The following RGL3 variants were observed in gnomAD, a reference collection of about 807,000 sequenced individuals.
RGL3 encodes the protein ral guanine nucleotide dissociation stimulator like 3, also known as ral guanine nucleotide dissociation stimulator-like 3.
RGL3 carries 85 observed loss-of-function variants against 90.6 expected under a neutral mutation model. The observed-to-expected ratio is 0.94, with a 90% confidence interval of 0.79 to 1.12. The LOEUF (loss-of-function observed/expected upper bound fraction) is 1.12, where lower values mean the gene tolerates loss of function less well. Ranked by LOEUF, RGL3 falls within the 50% of genes most tolerant of loss-of-function variation. The pLI is 0.00. For missense variants in RGL3, 1,034 were observed against 939.2 expected (o/e 1.10, Z -1.32); for synonymous variants, 408 against 385.5 (o/e 1.06, Z -0.68).
Position 11,397,541 on chromosome 19 carries a change from G to T in RGL3, c.1803C>A (p.Ser601Arg), listed in dbSNP as rs769971185. Residue 601 changes from serine to arginine, a missense_variant, in exon 17 of 19, where the codon AGC becomes AGA. By Grantham distance (110) the Ser-to-Arg change is moderately radical. Coordinates refer to ENST00000380456, the MANE Select transcript of RGL3 (RefSeq NM_001035223.4). ...SPRPFALPLG[S>R]PRIPLPAQQS... ...GCTGCGCCGGGAGGGGGATTCGAGGGCTGCCCAGAGGCAAAGCGAAGGGCC... is the reference window on the plus strand; with the variant it reads ...GCTGCGCCGGGAGGGGGATTCGAGGTCTGCCCAGAGGCAAAGCGAAGGGCC... 2 of 1,610,712 alleles carry T rather than the reference G, an allele frequency of 1.2e-6. No homozygotes were observed. The highest frequency in any genetic ancestry group is 1.7e-6 in the Non-Finnish European group (2 of 1,178,472).
chr19:11,418,594 G>A (rs1969044323), intron 2 of RGL3, 77 bp downstream of exon 2: 1 of 1,154,868 alleles, frequency 8.7e-7, no homozygotes. Flanking sequence ...GCACCTGGCG[G>A]CCTGTGCTCG....
At chr19:11,417,405 C>T (rs1447976819) in intron 2 of RGL3, among the ~76,000 whole-genome samples, 2 of 151,706 alleles carry the variant, frequency 1.3e-5, no homozygotes, top group Non-Finnish European at 2.9e-5. Flanking sequence ...CCCCCTTGGC[C>T]TCCCAAAGTC....
chr19:11,407,966 G>A (rs1458803341), intron 5 of RGL3, among the ~76,000 whole-genome samples: 3 of 151,978 alleles, frequency 2.0e-5, no homozygotes, highest in African/African-American at 7.3e-5. Context: ...GATTGCAGGG[G>A]TAAGCTGTGC....
chr19:11,405,494 CTTTTTTTTTTTTTTTTTTTTTTTTTT>C (rs771398199), intron 7 of RGL3, 68 bp from the exon 8 acceptor site: 9,488 of 163,596 alleles, frequency 0.058, 297 homozygotes, highest in African/African-American at 0.13. Context: ...ACTTCTTCAT[CTTTTTTTTTTTTTTTTTTTTTTTTTT>C]TTTTTTTTTT....
rs879555619 is a variant in RGL3, at chr19:11,415,482, G to GT, written c.637+454dup. Among the ~76,000 whole-genome samples the GT allele has an allele frequency of 3.7e-3, 542 of 146,290 alleles. 3 individuals carry two copies. Among genetic ancestry groups the GT allele is most frequent in the African/African-American group, 0.011 (446 of 40,138 alleles). ...TGCTAATACTTCAGACAAAGAATTTGTTTTTTTTTTTAGACGGAGTTTCGC... is the reference window on the plus strand; with the variant it reads ...TGCTAATACTTCAGACAAAGAATTTGTTTTTTTTTTTTAGACGGAGTTTCGC... On this transcript the variant is annotated intron_variant, in intron 5 of 18. Coordinates refer to ENST00000380456, the MANE Select transcript of RGL3 (RefSeq NM_001035223.4).
At chr19:11,397,702 A>G (rs896788597) in intron 16 of RGL3, 105 bp from the exon 17 acceptor site, 11 of 1,159,354 alleles carry the variant, frequency 9.5e-6, no homozygotes, top group Non-Finnish European at 1.3e-5. Flanking sequence ...CAATAGCCCC[A>G]CATTTAAAAT....
At chr19:11,418,483 T>A in intron 2 of RGL3, 188 bp downstream of exon 2, 3 of 565,878 alleles carry the variant, frequency 5.3e-6, no homozygotes, top group Non-Finnish European at 6.3e-6. Context: ...CCCCACCCCA[T>A]TCCCTGGATC....
chr19:11,415,475 A>G (rs1226440660), intron 5 of RGL3, among the ~76,000 whole-genome samples: 1 of 152,134 alleles, frequency 6.6e-6, no homozygotes, highest in Non-Finnish European at 1.5e-5. Flanking sequence ...CTTCAGACAA[A>G]GAATTTGTTT....
chr19:11,402,178 CTCAGGCA>C, intron 12 of RGL3, 30 bp downstream of exon 12: 5 of 1,610,648 alleles, frequency 3.1e-6, no homozygotes, highest in Admixed American at 1.7e-5. Context: ...CACCCCCACC[CTCAGGCA>C]CCACCACACC....
chr19:11,394,574 C>A (rs1599426091), intron 18 of RGL3, 54 bp from the exon 19 acceptor site: 2 of 1,381,166 alleles, frequency 1.4e-6, no homozygotes, highest in East Asian at 4.6e-5. Context: ...GTGTCACCCC[C>A]ACAGAGGACC....
rs753833911 is a variant in RGL3, at chr19:11,397,206, C to T, written c.2014+38G>A. Reference sequence around the variant, plus strand: ...CGTGGTCAGTCTGCTCGCCTCCCCGCTGCCCCCTATCCTGAGCTCCAACCC... The same window carrying T: ...CGTGGTCAGTCTGCTCGCCTCCCCGTTGCCCCCTATCCTGAGCTCCAACCC... On this transcript the variant is annotated intron_variant, in intron 18 of 18. Transcript: ENST00000380456. The T allele has an allele frequency of 3.2e-6, 5 of 1,576,410 alleles. No individual in the cohort carries two copies. In the East Asian group the frequency reaches 9.0e-5, roughly 28 times the overall value.
rs368922029 is a variant in RGL3, at chr19:11,394,353, C to T, written c.*49G>A. On this transcript the variant is annotated 3_prime_UTR_variant, in exon 19 of 19. Coordinates refer to ENST00000380456, the MANE Select transcript of RGL3 (RefSeq NM_001035223.4). ...GATGGCAGCTTTCCAGGAGAAGAGT[C>T]GCAAGCTTGCCTGTGGGACTTGTGT... The T allele has an allele frequency of 1.2e-4, 178 of 1,441,660 alleles. No homozygotes were observed. In the African/African-American group the frequency reaches 2.0e-3, roughly 16 times the overall value. 89.3% of individuals were successfully genotyped at this position (1,441,660 alleles called of 1,614,324 possible). A position where few individuals can be genotyped will look rare whatever the true frequency, so the allele number is the denominator to read the frequency against.
chr19:11,397,816 C>T (rs1968604836), intron 16 of RGL3: 1 of 373,406 alleles, frequency 2.7e-6, no homozygotes, highest in Admixed American at 4.3e-5. Flanking sequence ...CAAGACCAGC[C>T]TGGCCAACGT....
intron 5 of RGL3, among the ~76,000 whole-genome samples, chr19:11,415,240 A>G (rs1385443672): frequency 2.0e-5 from 3 of 151,748 alleles, no homozygotes; most frequent in African/African-American, 7.2e-5. Flanking sequence ...CTGTAATGCC[A>G]GCAGTTTTGG....
chr19:11,418,366 T>C (rs571941903), intron 2 of RGL3: 1 of 403,738 alleles, frequency 2.5e-6, no homozygotes, highest in Non-Finnish European at 4.5e-6. Flanking sequence ...CCATTCCACC[T>C]TCCAGCCCCG....
chr19:11,395,065 C>G (rs1362710405), intron 18 of RGL3, among the ~76,000 whole-genome samples: 1 of 151,522 alleles, frequency 6.6e-6, no homozygotes, highest in African/African-American at 2.4e-5. Context: ...TGCACTCCAG[C>G]CTGGGCAACA....
chr19:11,402,663 C>T lies in RGL3; in HGVS notation c.1229G>A (p.Gly410Asp). 6.2e-7 allele frequency: 1 copy of T among 1,613,958 alleles called. No homozygotes were observed. Among genetic ancestry groups the T allele is most frequent in the Non-Finnish European group, 8.5e-7 (1 of 1,179,940 alleles). The change falls in exon 10 of 19, where the codon GGC (glycine) becomes GAC (aspartate). Residue 410 changes from glycine to aspartate, a missense_variant. Gly to Asp is a moderately conservative substitution (Grantham distance 94). Transcript: ENST00000380456. ...EGSQEEDNTP[G>D]SLPSKPPPGP... ...GTAATCACTCACTGAGGGCAGGCTG[C>T]CTGGGGTGTTGTCCTCTTCTTGGGA...
At chr19:11,398,170 G>C (rs1326379066) in intron 16 of RGL3, among the ~76,000 whole-genome samples, 1 of 152,004 alleles carries the variant, frequency 6.6e-6, no homozygotes, top group African/African-American at 2.4e-5. Context: ...TATAGAAACA[G>C]ACATGAACAG....
chr19:11,396,707 C>A (rs1302807094), intron 18 of RGL3, among the ~76,000 whole-genome samples: 1 of 149,600 alleles, frequency 6.7e-6, no homozygotes, highest in Non-Finnish European at 1.5e-5. Context: ...CTCTGCTGCC[C>A]AGGCTGAAGT....
Sources: gnomAD v4.1 joint callset for allele counts (sites outside exome capture counted in the v4.1 genomes callset) on GRCh38, gnomAD v4.1.1 for gene constraint, MANE v1.5 for transcripts, NCBI Gene and HGNC (gene_info 2026-07-23, HGNC 2026-07-21) for gene names.